ANKS1B: variants seen among roughly 807,000 people sequenced by gnomAD.
ANKS1B encodes ankyrin repeat and sterile alpha motif domain containing 1B, also known as ankyrin repeat and sterile alpha motif domain-containing protein 1B.
In ANKS1B, 36 loss-of-function variants were observed where a neutral mutation model predicts 148.3. That is an observed-to-expected ratio of 0.24 (90% CI 0.19 to 0.32). The LOEUF (loss-of-function observed/expected upper bound fraction) is 0.32, where lower values mean the gene tolerates loss of function less well. Among genes scored for constraint, ANKS1B ranks in the 10% least tolerant of loss-of-function variants. The pLI is 1.00. For synonymous variants in ANKS1B, 542 were observed against 560.8 expected (o/e 0.97, Z 0.47); for missense variants, 1,157 against 1,542.6 (o/e 0.75, Z 4.19).
chr12:99,220,504 T>C (rs2084939489), intron 14 of ANKS1B, among the ~76,000 whole-genome samples: 3 of 142,092 alleles, frequency 2.1e-5, no homozygotes, highest in Admixed American at 1.5e-4. Context: ...CAGGCTGGAG[T>C]CCAGTGGCGT....
intron 16 of ANKS1B, among the ~76,000 whole-genome samples, chr12:99,055,725 G>T (rs572309167): frequency 2.7e-5 from 4 of 150,506 alleles, no homozygotes; most frequent in African/African-American, 7.3e-5. Context: ...TAAACTTGGG[G>T]GGGGGGGAGG....
intron 12 of ANKS1B, among the ~76,000 whole-genome samples, chr12:99,315,842 C>A (rs1027317635): frequency 6.6e-6 from 1 of 152,006 alleles, no homozygotes; most frequent in Non-Finnish European, 1.5e-5. Flanking sequence ...CATGACAGGC[C>A]CCGGTGTGTG....
At position 99,167,732 on chromosome 12, in the gene ANKS1B, C is replaced by G. The variant is rs1601339286; in HGVS notation, c.2420-13337G>C. Among the ~76,000 whole-genome samples, 2 of 151,960 alleles carry G rather than the reference C, an allele frequency of 1.3e-5. 1 individual carries two copies. Among genetic ancestry groups the G allele is most frequent in the East Asian group, 3.8e-4 (2 of 5,196 alleles). On this transcript the variant is annotated intron_variant, in intron 14 of 26. Transcript: ENST00000683438. The stretch of plus-strand genomic sequence containing the variant: ...AAAAGAAATAAAAACATATGCCATA[C>G]AGAGACTTGTATAGGCATGTTTACA...
At chr12:99,408,047 C>T (rs181808433) in intron 11 of ANKS1B, among the ~76,000 whole-genome samples, 1 of 145,822 alleles carries the variant, frequency 6.9e-6, no homozygotes, top group Admixed American at 6.8e-5. Context: ...AATAAGCCAT[C>T]ATGAGCAAAA....
intron 17 of ANKS1B, among the ~76,000 whole-genome samples, chr12:98,974,078 T>A (rs909267111): frequency 2.0e-5 from 3 of 152,062 alleles, no homozygotes; most frequent in Admixed American, 2.0e-4. Flanking sequence ...CTTTTGTAGG[T>A]TATGTAGTTC....
intron 14 of ANKS1B, among the ~76,000 whole-genome samples, chr12:99,239,329 T>C (rs2088739127): frequency 6.6e-6 from 1 of 151,866 alleles, no homozygotes; most frequent in Admixed American, 6.6e-5. Context: ...TGATGGAAGA[T>C]CAAATAAATG....
At position 99,894,351 on chromosome 12, in the gene ANKS1B, A is replaced by AAGAAAAGAAG. The variant is rs2093292556; in HGVS notation, c.135-68963_135-68962insCTTCTTTTCT. 1.3e-5 allele frequency among the ~76,000 whole-genome samples: 2 copies of AAGAAAAGAAG among 148,674 alleles called. 1 individual carries two copies. The highest frequency in any genetic ancestry group is 5.0e-5 in the African/African-American group (2 of 40,100). On this transcript the variant is annotated intron_variant, in intron 1 of 26. Coordinates refer to ENST00000683438, the MANE Select transcript of ANKS1B (RefSeq NM_001352186.2). ...AGGGAAAGAAAAGAAAAGAAAAGAA[A>AAGAAAAGAAG]AAAGAAAATTAGCCAGGTGTGGTAG...
chr12:98,914,847 A>C (rs1404425474), intron 17 of ANKS1B, among the ~76,000 whole-genome samples: 1 of 152,088 alleles, frequency 6.6e-6, no homozygotes, highest in Non-Finnish European at 1.5e-5. Flanking sequence ...TTTGAAATAG[A>C]CTTCCCTAAG....
intron 19 of ANKS1B, among the ~76,000 whole-genome samples, chr12:98,809,865 C>T (rs953237628): frequency 2.6e-5 from 4 of 152,108 alleles, no homozygotes; most frequent in African/African-American, 2.4e-5. Context: ...GGTTTAGACA[C>T]AACAACTGAT....
intron 17 of ANKS1B, among the ~76,000 whole-genome samples, chr12:98,901,770 C>T (rs563925246): frequency 6.6e-6 from 1 of 152,182 alleles, no homozygotes; most frequent in South Asian, 2.1e-4. Context: ...CAAGGAGTCC[C>T]ACGAGTTAGG....
chr12:99,872,909 T>C (rs1565901801), intron 1 of ANKS1B, among the ~76,000 whole-genome samples: 2 of 152,160 alleles, frequency 1.3e-5, no homozygotes, highest in Admixed American at 6.6e-5. Context: ...CAACACTAGA[T>C]ACATTATAAA....
At chr12:99,815,495 A>C (rs1303600777) in intron 2 of ANKS1B, among the ~76,000 whole-genome samples, 1 of 151,364 alleles carries the variant, frequency 6.6e-6, no homozygotes, top group African/African-American at 2.4e-5. Flanking sequence ...TTCTTTTTTA[A>C]TTTTATTTCA....
At chr12:98,977,133 T>C (rs1391793225) in intron 17 of ANKS1B, among the ~76,000 whole-genome samples, 1 of 152,248 alleles carries the variant, frequency 6.6e-6, no homozygotes, top group Non-Finnish European at 1.5e-5. Flanking sequence ...ATTCATAGTA[T>C]GTATTCACGG....
chr12:99,273,615 C>A (rs1220795298), intron 12 of ANKS1B, among the ~76,000 whole-genome samples: 1 of 126,028 alleles, frequency 7.9e-6, no homozygotes, highest in East Asian at 2.4e-4. Flanking sequence ...CTTGCTCTGA[C>A]ACCCAGGCTG....
At chr12:98,921,678 C>A (rs1295922495) in intron 17 of ANKS1B, among the ~76,000 whole-genome samples, 1 of 152,066 alleles carries the variant, frequency 6.6e-6, no homozygotes, top group Admixed American at 6.6e-5. Flanking sequence ...TTGTTGTGAT[C>A]TGTTTGCCTG....
intron 1 of ANKS1B, among the ~76,000 whole-genome samples, chr12:99,865,331 C>A (rs2090585448): frequency 6.6e-6 from 1 of 152,122 alleles, no homozygotes; most frequent in Non-Finnish European, 1.5e-5. Context: ...ATTTTAGCAT[C>A]CTTTATAGAT....
intron 8 of ANKS1B, among the ~76,000 whole-genome samples, chr12:99,733,377 C>T (rs886276120): frequency 3.3e-5 from 5 of 152,132 alleles, no homozygotes; most frequent in African/African-American, 1.2e-4. Context: ...CAGCATAAAG[C>T]AGAGCCACTT....
chr12:98,781,683 T>C (rs2098738323), intron 23 of ANKS1B, among the ~76,000 whole-genome samples: 2 of 152,196 alleles, frequency 1.3e-5, no homozygotes, highest in Non-Finnish European at 1.5e-5. Flanking sequence ...CTTGGATGTA[T>C]ACTTAAAATA....
intron 17 of ANKS1B, among the ~76,000 whole-genome samples, chr12:98,918,438 T>C (rs545092563): frequency 6.6e-6 from 1 of 152,160 alleles, no homozygotes; most frequent in Non-Finnish European, 1.5e-5. Context: ...TAGCAGGAAA[T>C]GAATAGAAGC....
Sources: gnomAD v4.1 joint callset for allele counts (sites outside exome capture counted in the v4.1 genomes callset) on GRCh38, gnomAD v4.1.1 for gene constraint, MANE v1.5 for transcripts, NCBI Gene and HGNC (gene_info 2026-07-23, HGNC 2026-07-21) for gene names.